The following FKBP5 variants were observed in gnomAD, a reference collection of about 807,000 sequenced individuals.
The protein encoded by FKBP5 is peptidyl-prolyl cis-trans isomerase FKBP5.
A neutral mutation model predicts 50.5 loss-of-function variants in FKBP5; 23 were observed. That is an observed-to-expected ratio of 0.46 (90% confidence interval 0.33 to 0.65). The LOEUF (loss-of-function observed/expected upper bound fraction) is 0.65, where lower values mean the gene tolerates loss of function less well. Among genes scored for constraint, FKBP5 ranks in the 30% least tolerant of loss-of-function variants. The probability of loss-of-function intolerance (pLI) is 0.02; values close to 1 mark genes in which losing one functional copy is unlikely to be tolerated. For synonymous variants in FKBP5, 176 were observed against 190.6 expected (o/e 0.92, Z 0.63); for missense variants, 411 against 553.1 (o/e 0.74, Z 2.58).
rs76669992 is a variant in FKBP5 at position 35,703,924 on chromosome 6, G to A, written c.-20+16404C>T. ...TGCTAACATTAAGTTCTCAGCATCA[G>A]TGTTCAGCAATGGTGGTAGCAGCCA... On this transcript the variant is annotated intron_variant, in intron 2 of 11. Coordinates refer to the FKBP5 transcript ENST00000536438. 3.8e-3 allele frequency among the ~76,000 whole-genome samples: 586 copies of A among 152,334 alleles called. 2 individuals carry two copies. The highest frequency in any genetic ancestry group is 0.014 in the African/African-American group (565 of 41,576).
At chr6:35,638,474 G>A (rs1299736310) in intron 2 of FKBP5, among the ~76,000 whole-genome samples, 2 of 152,016 alleles carry the variant, frequency 1.3e-5, no homozygotes, top group Non-Finnish European at 2.9e-5. Flanking sequence ...GAGTGCATGC[G>A]GTGGTACAAT....
At chr6:35,614,139 C>A (rs1316639058) in intron 5 of FKBP5, among the ~76,000 whole-genome samples, 4 of 152,190 alleles carry the variant, frequency 2.6e-5, no homozygotes, top group Non-Finnish European at 5.9e-5. Flanking sequence ...AGCCATCCTC[C>A]TGCCTCAGCC....
intron 7 of FKBP5, among the ~76,000 whole-genome samples, chr6:35,587,987 TCA>T (rs1272705915): frequency 1.3e-5 from 2 of 152,094 alleles, no homozygotes; most frequent in African/African-American, 4.8e-5. Context: ...GTTCCTGGTG[TCA>T]CAGCCCCTGC....
chr6:35,687,134 T>C lies in FKBP5; in HGVS notation c.-20+1670A>G, dbSNP rs139504689. Among the ~76,000 whole-genome samples, 798 of 152,314 alleles carry C rather than the reference T, an allele frequency of 5.2e-3. 24 individuals carry two copies. Among genetic ancestry groups the C allele is most frequent in the Admixed American group, 0.045 (692 of 15,292 alleles). ...TAAATCAAGATTAGCAACTTTGTTC[T>C]TAACTTAAACTTAATCTCCGAAGTA... On this transcript the variant is annotated intron_variant, in intron 1 of 10. Coordinates refer to ENST00000357266, the MANE Select transcript of FKBP5 (RefSeq NM_004117.4).
At chr6:35,596,585 C>A (rs1463769804) in intron 6 of FKBP5, among the ~76,000 whole-genome samples, 3 of 152,048 alleles carry the variant, frequency 2.0e-5, no homozygotes, top group African/African-American at 7.2e-5. Context: ...AATCAAAACA[C>A]CCCGGGTTCT....
chr6:35,596,227 T>C (rs942620311), intron 6 of FKBP5, among the ~76,000 whole-genome samples: 1 of 151,898 alleles, frequency 6.6e-6, no homozygotes, highest in African/African-American at 2.4e-5. Flanking sequence ...TGGTGGCGGG[T>C]GCCTGTAATG....
chr6:35,633,500 G>A (rs1764222535), intron 3 of FKBP5, among the ~76,000 whole-genome samples: 3 of 136,924 alleles, frequency 2.2e-5, no homozygotes, highest in African/African-American at 2.8e-5. Flanking sequence ...CCAAGATCAC[G>A]CCACTGCACT....
rs1765637991 is a variant in FKBP5, at chr6:35,680,546, A to C, written c.-20+8258T>G. On this transcript the variant is annotated intron_variant, in intron 1 of 10. Coordinates refer to ENST00000357266, the MANE Select transcript of FKBP5 (RefSeq NM_004117.4). Reference sequence around the variant, plus strand: ...TAGAATTGGAAAGTTGAATTTTTTTAGCCATTATTGTTTAAGCTATGATTT... The same window carrying C: ...TAGAATTGGAAAGTTGAATTTTTTTCGCCATTATTGTTTAAGCTATGATTT... Among the ~76,000 whole-genome samples the C allele has an allele frequency of 6.6e-5, 10 of 152,270 alleles. No individual in the cohort carries two copies. The South Asian group carries it at 2.1e-3, about 31-fold the overall frequency.
intron 1 of FKBP5, among the ~76,000 whole-genome samples, chr6:35,644,912 T>G (rs1764588953): frequency 6.6e-6 from 1 of 152,186 alleles, no homozygotes. Flanking sequence ...CATCCATCAA[T>G]AGATCTCTGG....
rs201347112 is a variant in FKBP5, at chr6:35,701,203, TTTTG to T, written c.-20+19121_-20+19124del. ...AAGAATTTAACTAGGAGTGCTGTGT[TTTTG>T]TTTGTTTGTTTGTTTGTTTGTTTTT... On this transcript the variant is annotated intron_variant, in intron 2 of 11. Coordinates refer to the FKBP5 transcript ENST00000536438. Among the ~76,000 whole-genome samples the T allele has an allele frequency of 2.2e-3, 319 of 146,986 alleles. 2 individuals are homozygous for T. The highest frequency in any genetic ancestry group is 3.5e-3 in the Middle Eastern group (1 of 284).
chr6:35,641,889 G>A (rs1340829307), intron 2 of FKBP5, among the ~76,000 whole-genome samples: 2 of 151,664 alleles, frequency 1.3e-5, no homozygotes, highest in Non-Finnish European at 2.9e-5. Context: ...CCAGCTACTC[G>A]GGAGGCTGAG....
At position 35,597,764 on chromosome 6, in the gene FKBP5, T is replaced by C. The variant is rs181789877; in HGVS notation, c.509-360A>G. Among the ~76,000 whole-genome samples, 317 of 152,310 alleles carry C rather than the reference T, an allele frequency of 2.1e-3. 3 individuals are homozygous for C. Among genetic ancestry groups the C allele is most frequent in the Admixed American group, 6.3e-3 (97 of 15,294 alleles). On this transcript the variant is annotated intron_variant, in intron 5 of 10. Coordinates refer to ENST00000357266, the MANE Select transcript of FKBP5 (RefSeq NM_004117.4). ...TAATAAAGTTATCAAATGCCACAAA[T>C]TTAATATCAAATATATAAACATCTG... is the stretch of plus-strand genomic sequence containing the variant.
intron 5 of FKBP5, among the ~76,000 whole-genome samples, chr6:35,599,130 T>C (rs1247294061): frequency 2.0e-5 from 3 of 152,048 alleles, no homozygotes; most frequent in African/African-American, 7.3e-5. Flanking sequence ...ATCAACAACT[T>C]GTAGAGAGAC....
chr6:35,589,129 T>TATATTTTTATATATATATATATATATATA (rs879865924), intron 7 of FKBP5, among the ~76,000 whole-genome samples: 3 of 102,152 alleles, frequency 2.9e-5, no homozygotes, highest in Non-Finnish European at 5.9e-5. Flanking sequence ...TATATATATA[T>TATATTTTTATATATATATATATATATATA]TTTTTTTTTT....
At chr6:35,718,824 A>G (rs1026384859) in intron 2 of FKBP5, among the ~76,000 whole-genome samples, 6 of 152,228 alleles carry the variant, frequency 3.9e-5, no homozygotes, top group Admixed American at 2.0e-4. Flanking sequence ...CAAAGGATAC[A>G]GGAGTTCCAA....
At position 35,621,883 on chromosome 6, in the gene FKBP5, G is replaced by T. The variant is rs375795415; in HGVS notation, c.251-1609C>A. 2.6e-5 allele frequency among the ~76,000 whole-genome samples: 4 copies of T among 152,008 alleles called. No homozygotes were observed. In the East Asian group the frequency reaches 7.8e-4, roughly 30 times the overall value. On this transcript the variant is annotated intron_variant, in intron 3 of 10. Coordinates refer to ENST00000357266, the MANE Select transcript of FKBP5 (RefSeq NM_004117.4). The stretch of plus-strand genomic sequence containing the variant: ...CTTGCCAGCTACTCAGCAGGCTGAG[G>T]AGAGAGGACTACTTGAGTCCAGGAG...
chr6:35,717,141 T>C (rs547292031), intron 2 of FKBP5, among the ~76,000 whole-genome samples: 17 of 152,314 alleles, frequency 1.1e-4, no homozygotes, highest in Non-Finnish European at 2.1e-4. Flanking sequence ...TTGAGCTTTT[T>C]CTCATTCCCA....
intron 10 of FKBP5, among the ~76,000 whole-genome samples, chr6:35,576,693 G>T (rs1762228068): frequency 8.2e-6 from 1 of 121,842 alleles, no homozygotes; most frequent in Non-Finnish European, 1.7e-5. Context: ...GGGGCGGGCG[G>T]GGGGAGTTGG....
At chr6:35,609,698 T>C (rs1193243332) in intron 5 of FKBP5, among the ~76,000 whole-genome samples, 2 of 152,248 alleles carry the variant, frequency 1.3e-5, no homozygotes, top group Non-Finnish European at 2.9e-5. Flanking sequence ...TTTTCTTGTG[T>C]TCTGAGAAAT....
Sources: allele counts gnomAD v4.1 joint callset (sites outside exome capture counted in the v4.1 genomes callset), GRCh38; gene constraint gnomAD v4.1.1; transcripts MANE v1.5; gene names NCBI Gene and HGNC (gene_info 2026-07-23, HGNC 2026-07-21).